Variants in KHDRBS2 observed in about 807,000 individuals in gnomAD.
KHDRBS2 encodes KH domain-containing, RNA-binding, signal transduction-associated protein 2.
In KHDRBS2, 26 loss-of-function variants were observed where a neutral mutation model predicts 44.3. That is an observed-to-expected ratio of 0.59 (90% CI 0.43 to 0.81). KHDRBS2 has a LOEUF of 0.81. Among genes scored for constraint, KHDRBS2 ranks in the 40% least tolerant of loss-of-function variants. KHDRBS2 has a pLI of 0.00. For missense variants in KHDRBS2, 476 were observed against 433.1 expected (o/e 1.10, Z -0.88); for synonymous variants, 194 against 151.1 (o/e 1.28, Z -2.08).
At chr6:62,016,824 C>T (rs1781298335) in intron 3 of KHDRBS2, among the ~76,000 whole-genome samples, 2 of 151,762 alleles carry the variant, frequency 1.3e-5, no homozygotes. Context: ...TAAATGTCAG[C>T]CATGCTATAA....
chr6:61,952,744 G>C (rs1173274285), intron 4 of KHDRBS2, among the ~76,000 whole-genome samples: 1 of 151,982 alleles, frequency 6.6e-6, no homozygotes, highest in African/African-American at 2.4e-5. Context: ...AATGTGTCAA[G>C]TGCATTACAC....
chr6:61,623,655 C>A, the KHDRBS2 span, among the ~76,000 whole-genome samples: 1 of 152,142 alleles, frequency 6.6e-6, no homozygotes, highest in South Asian at 2.1e-4. Flanking sequence ...AATAAGAGGG[C>A]AGGAGTATGA....
At chr6:62,030,818 C>A (rs1784209859) in intron 3 of KHDRBS2, among the ~76,000 whole-genome samples, 1 of 151,962 alleles carries the variant, frequency 6.6e-6, no homozygotes, top group Non-Finnish European at 1.5e-5. Flanking sequence ...AAACATATGT[C>A]CACACAAAGA....
intron 8 of KHDRBS2, among the ~76,000 whole-genome samples, chr6:61,693,876 G>C (rs753460193): frequency 2.0e-4 from 30 of 152,134 alleles, no homozygotes; most frequent in Non-Finnish European, 4.0e-4. Context: ...CATAACCCTT[G>C]CATCTCCATT....
At chr6:61,792,042 C>G (rs1181404796) in intron 6 of KHDRBS2, among the ~76,000 whole-genome samples, 2 of 151,108 alleles carry the variant, frequency 1.3e-5, no homozygotes, top group East Asian at 3.9e-4. Context: ...TTGCTTCCTG[C>G]TAGTTTAGAA....
the KHDRBS2 span, among the ~76,000 whole-genome samples, chr6:61,641,373 C>T: frequency 1.9e-4 from 29 of 152,272 alleles, 1 homozygote; most frequent in African/African-American, 6.5e-4. Context: ...GAAGTCTACA[C>T]TCTAATCTTG....
At chr6:61,717,761 T>G (rs1364151168) in intron 7 of KHDRBS2, among the ~76,000 whole-genome samples, 1 of 152,154 alleles carries the variant, frequency 6.6e-6, no homozygotes, top group Non-Finnish European at 1.5e-5. Flanking sequence ...CTAAAAACAG[T>G]AAATAATTTC....
At chr6:62,155,917 G>C (rs1231356155) in intron 2 of KHDRBS2, among the ~76,000 whole-genome samples, 1 of 152,086 alleles carries the variant, frequency 6.6e-6, no homozygotes, top group African/African-American at 2.4e-5. Context: ...TATTTTAGGG[G>C]AAAAATCCCA....
intron 2 of KHDRBS2, among the ~76,000 whole-genome samples, chr6:62,143,687 G>A (rs1027674002): frequency 9.0e-5 from 5 of 55,310 alleles, no homozygotes; most frequent in South Asian, 5.8e-4. Context: ...CTAAGTCTCA[G>A]ATTATTATTT....
At chr6:61,768,211 T>G (rs1780290414) in intron 6 of KHDRBS2, among the ~76,000 whole-genome samples, 1 of 152,150 alleles carries the variant, frequency 6.6e-6, no homozygotes, top group Non-Finnish European at 1.5e-5. Flanking sequence ...GTGGAAACCT[T>G]ATGTCAAAAG....
chr6:61,865,075 T>C (rs1797579181), intron 6 of KHDRBS2, among the ~76,000 whole-genome samples: 1 of 152,188 alleles, frequency 6.6e-6, no homozygotes, highest in African/African-American at 2.4e-5. Flanking sequence ...TTAATACTTG[T>C]GACTGCATTG....
chr6:61,755,958 T>C (rs1331530758), intron 6 of KHDRBS2, among the ~76,000 whole-genome samples: 1 of 152,196 alleles, frequency 6.6e-6, no homozygotes, highest in Non-Finnish European at 1.5e-5. Context: ...GGTCTTTCAC[T>C]TTTCAGTGAT....
At chr6:61,941,465 T>C (rs1030932258) in intron 4 of KHDRBS2, among the ~76,000 whole-genome samples, 2 of 151,860 alleles carry the variant, frequency 1.3e-5, no homozygotes, top group Admixed American at 6.6e-5. Flanking sequence ...TAGGCCAAAC[T>C]GGACCCATTA....
chr6:62,220,279 T>C (rs1830684052), intron 1 of KHDRBS2, among the ~76,000 whole-genome samples: 1 of 151,910 alleles, frequency 6.6e-6, no homozygotes, highest in South Asian at 2.1e-4. Flanking sequence ...TAGTAACATA[T>C]TTCTTCTTCA....
At chr6:61,799,632 T>C (rs1785942937) in intron 6 of KHDRBS2, among the ~76,000 whole-genome samples, 1 of 151,928 alleles carries the variant, frequency 6.6e-6, no homozygotes, top group South Asian at 2.1e-4. Context: ...AAACCTGCCA[T>C]CAAAACTACC....
intron 4 of KHDRBS2, among the ~76,000 whole-genome samples, chr6:61,907,954 C>A (rs1805324680): frequency 6.6e-6 from 1 of 152,104 alleles, no homozygotes. Flanking sequence ...GAAACATTAT[C>A]ATCAGAAATA....
At chr6:61,592,465 A>G in the KHDRBS2 span, among the ~76,000 whole-genome samples, 1 of 152,120 alleles carries the variant, frequency 6.6e-6, no homozygotes, top group Non-Finnish European at 1.5e-5. Context: ...GAAAGAATAG[A>G]TGGAAGCCTG....
intron 8 of KHDRBS2, among the ~76,000 whole-genome samples, chr6:61,689,730 T>A (rs1767190094): frequency 1.3e-5 from 2 of 151,984 alleles, no homozygotes; most frequent in Non-Finnish European, 2.9e-5. Context: ...TCTAACTATT[T>A]TAGTTGTTGT....
intron 1 of KHDRBS2, among the ~76,000 whole-genome samples, chr6:62,212,784 G>A (rs1829299380): frequency 6.6e-6 from 1 of 152,062 alleles, no homozygotes; most frequent in South Asian, 2.1e-4. Context: ...CAGACTTCTG[G>A]CCTCCAGAAC....
Sources: gnomAD v4.1 joint callset for allele counts (sites outside exome capture counted in the v4.1 genomes callset) on GRCh38, gnomAD v4.1.1 for gene constraint, MANE v1.5 for transcripts, NCBI Gene and HGNC (gene_info 2026-07-23, HGNC 2026-07-21) for gene names.